The following MYOM2 variants were observed in gnomAD, a reference collection of about 807,000 sequenced individuals.
MYOM2 encodes myomesin 2.
A neutral mutation model predicts 187.6 loss-of-function variants in MYOM2; 254 were observed. That is an observed-to-expected ratio of 1.35 (90% CI 1.22 to 1.50). The LOEUF (loss-of-function observed/expected upper bound fraction) is 1.50, where lower values mean the gene tolerates loss of function less well. Among genes scored for constraint, MYOM2 ranks in the 40% most tolerant of loss-of-function variants. MYOM2 has a pLI of 0.00. For synonymous variants in MYOM2, 981 were observed against 753.8 expected, an observed-to-expected ratio of 1.30 and a Z score of -4.94; for missense variants, 2,796 against 1,924.0, an observed-to-expected ratio of 1.45 and a Z score of -8.48.
intron 25 of MYOM2, among the ~76,000 whole-genome samples, chr8:2,112,218 C>T (rs1174821498): frequency 1.3e-5 from 2 of 152,156 alleles, no homozygotes; most frequent in South Asian, 2.1e-4. Flanking sequence ...CAAAGAAATA[C>T]ACCTTCAATT....
chr8:2,076,019 G>A, intron 10 of MYOM2, 122 bp from the exon 11 acceptor site: 1 of 872,746 alleles, frequency 1.1e-6, no homozygotes, highest in Non-Finnish European at 1.7e-6. Context: ...CTTTGAACAT[G>A]AGAATTAAAC....
At chr8:2,099,020 C>T in intron 19 of MYOM2, 37 bp downstream of exon 19, 4 of 1,566,910 alleles carry the variant, frequency 2.6e-6, no homozygotes, top group Non-Finnish European at 3.5e-6. Context: ...CGTTCCAGCG[C>T]ACAGGCTGGC....
intron 25 of MYOM2, among the ~76,000 whole-genome samples, chr8:2,112,847 G>A (rs888135949): frequency 6.6e-6 from 1 of 152,230 alleles, no homozygotes; most frequent in Non-Finnish European, 1.5e-5. Context: ...GAAATTCTCT[G>A]CAGTATTGCT....
At chr8:2,089,807 G>C (rs529468725) in intron 14 of MYOM2, among the ~76,000 whole-genome samples, 1 of 152,182 alleles carries the variant, frequency 6.6e-6, no homozygotes, top group African/African-American at 2.4e-5. Context: ...TCAACTTTGG[G>C]TATTTGTGAC....
chr8:2,079,974 G>A lies in MYOM2; in HGVS notation c.1516+361G>A, dbSNP rs373390887. 2.0e-5 allele frequency among the ~76,000 whole-genome samples: 3 copies of A among 152,276 alleles called. No homozygotes were observed. The East Asian group carries it at 5.8e-4, about 29-fold the overall frequency. ...TTCTCACAGATTGCATTGTGAAATC[G>A]ATTTCATTTTACATTTTCTAAGCAA... On this transcript the variant is annotated intron_variant, in intron 13 of 36. Transcript: ENST00000262113.
At chr8:2,079,434 C>T (rs1310496681) in intron 12 of MYOM2, 126 bp from the exon 13 acceptor site, 26 of 882,814 alleles carry the variant, frequency 2.9e-5, no homozygotes, top group Non-Finnish European at 4.7e-5. Context: ...GCTCTGATGC[C>T]CCCAGAGGAC....
chr8:2,093,980 C>T lies in MYOM2; in HGVS notation c.2014C>T (p.His672Tyr), dbSNP rs115760721. The change falls in exon 17 of 37, where the codon CAC becomes TAC. Residue 672 changes from histidine (H) to tyrosine (Y), a missense_variant. Coordinates refer to ENST00000262113, the MANE Select transcript of MYOM2 (RefSeq NM_003970.4). ...KPIGYNRFVVHGLTTGEQYIF... is the reference protein window; with the variant it reads ...KPIGYNRFVVYGLTTGEQYIF... Reference sequence around the variant, plus strand: ...CCCTGTGTTTCTCAGGTTCGTGGTGCACGGCTTAACCACGGGAGAGCAGTA... The same window carrying T: ...CCCTGTGTTTCTCAGGTTCGTGGTGTACGGCTTAACCACGGGAGAGCAGTA... 2,581 of 1,614,062 alleles carry T rather than the reference C, an allele frequency of 1.6e-3. 27 individuals are homozygous for T. The African/African-American group carries it at 0.03, about 19-fold the overall frequency.
In MYOM2 at chr8:2,052,121, G is replaced by A. The variant is rs765338964; in HGVS notation, c.108-37G>A. The A allele has an allele frequency of 6.6e-5, 107 of 1,611,290 alleles. 1 individual carries two copies. The South Asian group carries it at 1.0e-3, about 15-fold the overall frequency. ...CAGGATAAATTTCCATACTGTGCCT[G>A]AGCATGCATCTCCTAATCGTGTCCA... On this transcript the variant is annotated intron_variant, in intron 2 of 36. Transcript: ENST00000262113.
intron 28 of MYOM2, among the ~76,000 whole-genome samples, chr8:2,121,610 T>C (rs1360328887): frequency 6.6e-6 from 1 of 152,196 alleles, no homozygotes; most frequent in Non-Finnish European, 1.5e-5. Flanking sequence ...CATTTAATAA[T>C]GTGGTGCAGA....
chr8:2,056,840 G>A (rs1171024864), intron 3 of MYOM2, among the ~76,000 whole-genome samples: 5 of 152,270 alleles, frequency 3.3e-5, no homozygotes, highest in Admixed American at 6.5e-5. Context: ...GCCGTTTATC[G>A]GATAAATCCA....
rs747830355 is a variant in MYOM2, at chr8:2,096,268, G to A, written c.2147G>A (p.Gly716Glu). ...AALTVPSHPY[G>E]ITLLNCDGHS... The stretch of plus-strand genomic sequence containing the variant: ...GCAGCCGTCCCGTCCCATCCTTATG[G>A]GATTACGCTCCTCAACTGTGACGGC... Residue 716 changes from glycine to glutamate, a missense_variant, in exon 18 of 37, where the codon GGG (glycine) becomes GAG (glutamate). Physicochemically the swap from Gly to Glu is moderately conservative, Grantham distance 98. Transcript: ENST00000262113. 6.2e-7 allele frequency: 1 copy of A among 1,614,088 alleles called. No homozygotes were observed. Among genetic ancestry groups the A allele is most frequent in the African/African-American group, 1.3e-5 (1 of 75,018 alleles).
rs774701653 is a variant in MYOM2, at chr8:2,143,404, G to A, written c.4028G>A (p.Arg1343His). Reference protein sequence around the residue: ...FKAAAFAEKNRGRLIGGLPDV... With the variant: ...FKAAAFAEKNHGRLIGGLPDV... Reference sequence around the variant, plus strand: ...CCAAGGTGCTTTCCCGTTGCAGATCGTGGCAGGTTGATCGGCGGCTTGCCT... The same window carrying A: ...CCAAGGTGCTTTCCCGTTGCAGATCATGGCAGGTTGATCGGCGGCTTGCCT... The change falls in exon 36 of 37, where the codon CGT becomes CAT. Residue 1343 changes from arginine to histidine, a missense_variant. Arg to His is a conservative substitution (Grantham distance 29). Coordinates refer to ENST00000262113, the MANE Select transcript of MYOM2 (RefSeq NM_003970.4). The A allele has an allele frequency of 1.2e-5, 20 of 1,614,042 alleles. No individual in the cohort carries two copies. Among genetic ancestry groups the A allele is most frequent in the Non-Finnish European group, 1.4e-5 (17 of 1,180,050 alleles).
At chr8:2,057,920 G>A in intron 5 of MYOM2, 140 bp downstream of exon 5, 4 of 789,208 alleles carry the variant, frequency 5.1e-6, no homozygotes, top group Non-Finnish European at 7.4e-6. Flanking sequence ...TATGTTTATA[G>A]AAGCTCTGAA....
intron 10 of MYOM2, among the ~76,000 whole-genome samples, chr8:2,075,382 GTTTAACC>G (rs984831714): frequency 1.6e-4 from 25 of 152,290 alleles, no homozygotes; most frequent in African/African-American, 5.8e-4. Flanking sequence ...AAGGTGGGGA[GTTTAACC>G]ATTTTCATCG....
At chr8:2,065,236 G>A (rs1388057317) in intron 6 of MYOM2, among the ~76,000 whole-genome samples, 1 of 152,174 alleles carries the variant, frequency 6.6e-6, no homozygotes, top group African/African-American at 2.4e-5. Flanking sequence ...GAAGGCACCA[G>A]TTTGGAAGGA....
chr8:2,140,980 A>G (rs1194723696), intron 33 of MYOM2, 94 bp downstream of exon 33: 2 of 1,356,928 alleles, frequency 1.5e-6, no homozygotes, highest in East Asian at 2.4e-5. Flanking sequence ...ACAAGAGACA[A>G]TATGAATTTA....
At chr8:2,106,460 T>G (rs1404663052) in intron 22 of MYOM2, 31 bp from the exon 23 acceptor site, 9 of 1,610,264 alleles carry the variant, frequency 5.6e-6, no homozygotes, top group Non-Finnish European at 5.9e-6. Flanking sequence ...ACAGAAATGA[T>G]CGACATTCAC....
intron 9 of MYOM2, among the ~76,000 whole-genome samples, chr8:2,073,005 G>A (rs10866931): frequency 0.84 from 128,011 of 152,166 alleles, 54,153 homozygotes; most frequent in East Asian, 1. Flanking sequence ...CACGGGCGGG[G>A]GGAAGCCGGT....
chr8:2,057,566 G>A (rs531068574), intron 4 of MYOM2, 57 bp from the exon 5 acceptor site: 14 of 1,612,942 alleles, frequency 8.7e-6, no homozygotes, highest in African/African-American at 5.3e-5. Flanking sequence ...TTGAGGGGCC[G>A]AGGGTGGAGC....
Sources: gnomAD v4.1 joint callset for allele counts (sites outside exome capture counted in the v4.1 genomes callset) on GRCh38, gnomAD v4.1.1 for gene constraint, MANE v1.5 for transcripts, NCBI Gene and HGNC (gene_info 2026-07-23, HGNC 2026-07-21) for gene names.